Variants in SLC45A2 observed in about 807,000 individuals in gnomAD.
The protein encoded by SLC45A2 is membrane-associated transporter protein.
In SLC45A2, 36 loss-of-function variants were observed where a neutral mutation model predicts 45.5. The ratio of observed to expected loss-of-function variants is 0.79; its 90% confidence interval spans 0.61 to 1.04. SLC45A2 has a LOEUF of 1.04. Among genes scored for constraint, SLC45A2 ranks in the 50% least tolerant of loss-of-function variants. The pLI is 0.00. For missense variants in SLC45A2, 719 were observed against 671.0 expected, an observed-to-expected ratio of 1.07 and a Z score of -0.79; for synonymous variants, 306 against 269.3, an observed-to-expected ratio of 1.14 and a Z score of -1.33.
At chr5:33,969,767 A>G (rs1299870674) in intron 2 of SLC45A2, among the ~76,000 whole-genome samples, 1 of 152,090 alleles carries the variant, frequency 6.6e-6, no homozygotes, top group Non-Finnish European at 1.5e-5. Context: ...GAGGGTGGGA[A>G]GAGAGGAGCA....
intron 2 of SLC45A2, among the ~76,000 whole-genome samples, chr5:33,978,815 T>A (rs892040186): frequency 6.6e-5 from 10 of 152,334 alleles, no homozygotes; most frequent in African/African-American, 2.4e-4. Context: ...CTTGAGGTTG[T>A]GTTCCAAGCC....
intron 2 of SLC45A2, among the ~76,000 whole-genome samples, chr5:33,977,834 G>A (rs1246592348): frequency 6.6e-6 from 1 of 152,178 alleles, no homozygotes; most frequent in East Asian, 1.9e-4. Flanking sequence ...GATTGTGGCA[G>A]CTTTGAACCT....
chr5:33,954,272 T>C, intron 4 of SLC45A2, 89 bp downstream of exon 4: 8 of 1,567,832 alleles, frequency 5.1e-6, no homozygotes, highest in African/African-American at 1.3e-5. Context: ...ACTGTGCCAA[T>C]CTTAGAGGAT....
chr5:33,978,069 C>T (rs932343105), intron 2 of SLC45A2, among the ~76,000 whole-genome samples: 4 of 152,168 alleles, frequency 2.6e-5, no homozygotes, highest in Non-Finnish European at 5.9e-5. Context: ...GAGTGGACAC[C>T]CTTCTTGGCC....
chr5:33,971,890 G>A (rs1752787768), intron 2 of SLC45A2: 1 of 342,244 alleles, frequency 2.9e-6, no homozygotes, highest in Non-Finnish European at 5.8e-6. Context: ...GCCTCCCAAA[G>A]TACTGGGATT....
At chr5:33,967,020 A>G (rs1042841560) in intron 2 of SLC45A2, among the ~76,000 whole-genome samples, 1 of 152,202 alleles carries the variant, frequency 6.6e-6, no homozygotes, top group Non-Finnish European at 1.5e-5. Context: ...CAAATAATCC[A>G]CGTCAAGCCC....
At chr5:33,962,448 A>T (rs375123389) in intron 3 of SLC45A2, among the ~76,000 whole-genome samples, 11 of 152,360 alleles carry the variant, frequency 7.2e-5, no homozygotes, top group East Asian at 3.9e-4. Context: ...CCAACAAAAG[A>T]AGTTGACCTC....
intron 2 of SLC45A2, among the ~76,000 whole-genome samples, chr5:33,980,010 T>A (rs750550140): frequency 1.3e-4 from 20 of 152,218 alleles, no homozygotes; most frequent in Non-Finnish European, 2.8e-4. Context: ...GGTGGCCACA[T>A]TGTCCAATGT....
chr5:33,977,346 T>C (rs948799358), intron 2 of SLC45A2, among the ~76,000 whole-genome samples: 2 of 152,200 alleles, frequency 1.3e-5, no homozygotes, highest in East Asian at 1.9e-4. Flanking sequence ...TCAGGATGTA[T>C]GTGTGATCAA....
intron 3 of SLC45A2, among the ~76,000 whole-genome samples, chr5:33,955,224 C>T (rs983489720): frequency 5.9e-5 from 9 of 152,170 alleles, no homozygotes; most frequent in Admixed American, 5.2e-4. Flanking sequence ...TCCAGGCCAA[C>T]AGTCCACAAG....
At chr5:33,968,033 C>T (rs1325249389) in intron 2 of SLC45A2, among the ~76,000 whole-genome samples, 2 of 151,390 alleles carry the variant, frequency 1.3e-5, no homozygotes, top group African/African-American at 4.9e-5. Flanking sequence ...GTTGTAGCTG[C>T]AAGTTAGAAT....
chr5:33,947,429 T>C (rs1256999074), intron 5 of SLC45A2, 55 bp from the exon 6 acceptor site: 11 of 1,466,512 alleles, frequency 7.5e-6, no homozygotes, highest in Admixed American at 1.7e-5. Flanking sequence ...TAACATTTAA[T>C]AATTTCAGAC....
intron 3 of SLC45A2, among the ~76,000 whole-genome samples, chr5:33,957,729 C>G (rs1182853981): frequency 6.6e-6 from 1 of 152,174 alleles, no homozygotes; most frequent in Non-Finnish European, 1.5e-5. Flanking sequence ...ACTTTCCTTC[C>G]TCTCCTTCCA....
At chr5:33,949,412 A>G (rs1363159552) in intron 5 of SLC45A2, among the ~76,000 whole-genome samples, 1 of 152,242 alleles carries the variant, frequency 6.6e-6, no homozygotes, top group African/African-American at 2.4e-5. Flanking sequence ...GAAGTTGTCC[A>G]GTTGGGGAAG....
At position 33,974,356 on chromosome 5, in the gene SLC45A2, T is replaced by A. The variant is rs1056559908; in HGVS notation, c.562+7880A>T. Among the ~76,000 whole-genome samples the A allele has an allele frequency of 2.0e-5, 3 of 151,980 alleles. No homozygotes were observed. The East Asian group carries it at 5.8e-4, about 29-fold the overall frequency. ...TTTTCTCTAGAAAATCCCAAAAAAA[T>A]GTCAGAAATATGCTGGGAAATATTT... On this transcript the variant is annotated intron_variant, in intron 2 of 6. Transcript: ENST00000296589.
chr5:33,958,994 G>A (rs1017609686), intron 3 of SLC45A2, among the ~76,000 whole-genome samples: 3 of 152,048 alleles, frequency 2.0e-5, no homozygotes, highest in East Asian at 3.9e-4. Context: ...TAGTAAAACC[G>A]CACCTTGTTT....
chr5:33,959,148 T>A (rs1189072186), intron 3 of SLC45A2, among the ~76,000 whole-genome samples: 1 of 152,168 alleles, frequency 6.6e-6, no homozygotes, highest in African/African-American at 2.4e-5. Context: ...GAGCCTATCA[T>A]CCAGACTTTT....
chr5:33,963,910 T>A lies in SLC45A2; in HGVS notation c.669A>T (p.Ala223=). Residue 223 remains alanine, a synonymous_variant, in exon 3 of 7, where the codon GCA becomes GCT. Coordinates refer to ENST00000296589, the MANE Select transcript of SLC45A2 (RefSeq NM_016180.5). Reference sequence around the variant, plus strand: ...CAGTAAAACACAAAGTGAGCACCAATGCAGAGAAGAAGAACATGACCTGGA... The same window carrying A: ...CAGTAAAACACAAAGTGAGCACCAAAGCAGAGAAGAAGAACATGACCTGGA... The part of the protein sequence containing the change: ...TEFQVMFFFS[A]LVLTLCFTVH... The A allele has an allele frequency of 6.2e-7, 1 of 1,614,128 alleles. No homozygotes were observed. Among genetic ancestry groups the A allele is most frequent in the South Asian group, 1.1e-5 (1 of 91,078 alleles).
intron 2 of SLC45A2, among the ~76,000 whole-genome samples, chr5:33,967,227 G>A (rs1752626701): frequency 6.6e-6 from 1 of 152,160 alleles, no homozygotes; most frequent in Non-Finnish European, 1.5e-5. Flanking sequence ...TTATTCTGAG[G>A]GCTGAGACCT....
Sources: allele counts gnomAD v4.1 joint callset (sites outside exome capture counted in the v4.1 genomes callset), GRCh38; gene constraint gnomAD v4.1.1; transcripts MANE v1.5; gene names NCBI Gene and HGNC (gene_info 2026-07-23, HGNC 2026-07-21).